Variants in ZNF254 observed in about 807,000 individuals in gnomAD.
ZNF254 encodes zinc finger protein 254.
A neutral mutation model predicts 12.4 loss-of-function variants in ZNF254; 10 were observed. That is an observed-to-expected ratio of 0.80 (90% confidence interval 0.50 to 1.36). ZNF254 has a LOEUF of 1.36. ZNF254 is among the 40% of genes most tolerant of loss of function. The pLI is 0.00. For synonymous variants in ZNF254, 305 were observed against 253.4 expected (o/e 1.20, Z -1.93); for missense variants, 996 against 763.9 (o/e 1.30, Z -3.58).
rs144220899 is a variant in ZNF254 at position 24,047,624 on chromosome 19, TCTTG to T, written c.-94+1357_-94+1360del. On this transcript the variant is annotated intron_variant, in intron 2 of 4. Coordinates refer to the ZNF254 transcript ENST00000613065. ...TTTTTTTTTTTTTTTTTGCTCTCTC[TCTTG>T]CTTGCTTGCTTCTTTCCTTCATTTC... is the stretch of plus-strand genomic sequence containing the variant. Among the ~76,000 whole-genome samples the T allele has an allele frequency of 3.6e-3, 519 of 145,286 alleles. 9 individuals carry two copies. The highest frequency in any genetic ancestry group is 0.013 in the African/African-American group (495 of 39,116).
intron 1 of ZNF254, among the ~76,000 whole-genome samples, chr19:24,100,729 C>G (rs1247972662): frequency 6.7e-6 from 1 of 149,952 alleles, no homozygotes; most frequent in Non-Finnish European, 1.5e-5. Context: ...TGCTGCTAAT[C>G]AAAGTGCAAA....
At chr19:24,117,708 G>A (rs899840575) in intron 3 of ZNF254, among the ~76,000 whole-genome samples, 2 of 152,040 alleles carry the variant, frequency 1.3e-5, no homozygotes, top group Middle Eastern at 3.4e-3. Flanking sequence ...CCACTGTCCT[G>A]CGCCCACTGT....
intron 3 of ZNF254, chr19:24,107,223 T>G (rs188355350): frequency 1.5e-6 from 1 of 654,736 alleles, no homozygotes; most frequent in African/African-American, 1.8e-5. Context: ...TAGGATTGGA[T>G]TTTTCATTAC....
At chr19:24,058,562 C>T (rs143631114) in intron 2 of ZNF254, among the ~76,000 whole-genome samples, 14 of 152,168 alleles carry the variant, frequency 9.2e-5, no homozygotes, top group African/African-American at 3.4e-4. Flanking sequence ...CATGCGCCAC[C>T]ACGCCTGGCT....
chr19:24,087,815 A>G (rs982645840), intron 1 of ZNF254, among the ~76,000 whole-genome samples: 14 of 152,076 alleles, frequency 9.2e-5, no homozygotes, highest in African/African-American at 2.4e-5. Flanking sequence ...TTTGTGGTCC[A>G]TGGAAGGGGC....
At position 24,110,935 on chromosome 19, in the gene ZNF254, T is replaced by G. The variant is rs1010448408; in HGVS notation, c.253+4292T>G. On this transcript the variant is annotated intron_variant, in intron 3 of 3. Coordinates refer to ENST00000357002, the MANE Select transcript of ZNF254 (RefSeq NM_203282.4). ...GCTTAAGATGCAGGGTGAATCTATA[T>G]TTCCTTTTTTAATTTTATATTTTAA... Among the ~76,000 whole-genome samples, 5 of 152,150 alleles carry G rather than the reference T, an allele frequency of 3.3e-5. No homozygotes were observed. In the East Asian group the frequency reaches 9.7e-4, roughly 29 times the overall value.
intron 2 of ZNF254, among the ~76,000 whole-genome samples, chr19:24,053,934 C>T (rs770114643): frequency 3.3e-5 from 5 of 151,866 alleles, no homozygotes; most frequent in African/African-American, 1.2e-4. Context: ...GGCCCACTAC[C>T]TATGGGATTG....
intron 2 of ZNF254, among the ~76,000 whole-genome samples, chr19:24,076,532 G>T (rs199800160): frequency 6.6e-6 from 1 of 152,106 alleles, no homozygotes; most frequent in Non-Finnish European, 1.5e-5. Flanking sequence ...CTAACCTGGG[G>T]TTGCAGCCCA....
intron 1 of ZNF254, among the ~76,000 whole-genome samples, chr19:24,096,042 T>G (rs1287847063): frequency 6.6e-6 from 1 of 151,338 alleles, no homozygotes; most frequent in Non-Finnish European, 1.5e-5. Flanking sequence ...GAGATTCTGA[T>G]GTGTTGTTTT....
exon 1 of ZNF254, chr19:24,033,573 G>A: frequency 2.7e-6 from 1 of 374,520 alleles, no homozygotes; most frequent in Non-Finnish European, 5.3e-6. Flanking sequence ...CTGCAGGTCC[G>A]GAGAGACGCA....
intron 1 of ZNF254, among the ~76,000 whole-genome samples, chr19:24,093,235 G>A (rs1972495839): frequency 6.6e-6 from 1 of 152,010 alleles, no homozygotes; most frequent in Non-Finnish European, 1.5e-5. Flanking sequence ...CTATTATTCT[G>A]TTGGTTCTCT....
intron 1 of ZNF254, 196 bp from the exon 2 acceptor site, chr19:24,105,744 A>T: frequency 1.2e-6 from 1 of 818,002 alleles, no homozygotes; most frequent in South Asian, 1.8e-5. Flanking sequence ...TGATGTGGAT[A>T]TTTTGCCACT....
At chr19:24,120,518 C>T (rs2145951458) in intron 3 of ZNF254, among the ~76,000 whole-genome samples, 1 of 152,114 alleles carries the variant, frequency 6.6e-6, no homozygotes, top group African/African-American at 2.4e-5. Context: ...GGGTTTTATG[C>T]ATCATCATTA....
chr19:24,091,443 T>C (rs1244055559), intron 1 of ZNF254, among the ~76,000 whole-genome samples: 1 of 152,126 alleles, frequency 6.6e-6, no homozygotes, highest in African/African-American at 2.4e-5. Context: ...TTTAGCAGGG[T>C]AAATCCTTGG....
At position 24,127,566 on chromosome 19, in the gene ZNF254, A is replaced by G. The variant is rs1250453682; in HGVS notation, c.1566A>G (p.Glu522=). 6.2e-6 allele frequency: 10 copies of G among 1,613,456 alleles called. No homozygotes were observed. The African/African-American group carries it at 9.3e-5, about 15-fold the overall frequency. The change falls in exon 4 of 4, where the codon GAA becomes GAG. Residue 522 remains glutamate (E), a synonymous_variant. Transcript: ENST00000357002. ...GAGAGAAACCCTACAAATGTGAAGA[A>G]TGTGGCAAAGCCTTTAACTGGTCCT... The part of the protein sequence containing the change: ...HTGEKPYKCE[E]CGKAFNWSST...
chr19:24,117,804 G>A (rs1472310161), intron 3 of ZNF254, among the ~76,000 whole-genome samples: 2 of 152,124 alleles, frequency 1.3e-5, no homozygotes, highest in East Asian at 1.9e-4. Context: ...GCTGGGAGCT[G>A]TAGACCGGAG....
At position 24,110,165 on chromosome 19, in the gene ZNF254, T is replaced by C. The variant is rs74255640; in HGVS notation, c.253+3522T>C. Among the ~76,000 whole-genome samples the C allele has an allele frequency of 3.0e-3, 461 of 152,348 alleles. 17 individuals are homozygous for C. The East Asian group carries it at 0.078, about 26-fold the overall frequency. On this transcript the variant is annotated intron_variant, in intron 3 of 3. Transcript: ENST00000357002. ...AAACACTTTTGTGATTTGAAGGTAA[T>C]TTTTAAAAAGATGTATAATTCTGTA...
chr19:24,109,904 T>C (rs963532192), intron 3 of ZNF254, among the ~76,000 whole-genome samples: 1 of 151,584 alleles, frequency 6.6e-6, no homozygotes, highest in East Asian at 2.0e-4. Context: ...TATTTTTTTT[T>C]TTTTTAGTAG....
At chr19:24,092,810 C>A (rs1175246275) in intron 1 of ZNF254, among the ~76,000 whole-genome samples, 1 of 152,218 alleles carries the variant, frequency 6.6e-6, no homozygotes, top group Non-Finnish European at 1.5e-5. Flanking sequence ...ATTTATATTT[C>A]TTTGGGTATA....
Sources: allele counts gnomAD v4.1 joint callset (sites outside exome capture counted in the v4.1 genomes callset), GRCh38; gene constraint gnomAD v4.1.1; transcripts MANE v1.5; gene names NCBI Gene and HGNC (gene_info 2026-07-23, HGNC 2026-07-21).